ENOX1: variants seen among roughly 807,000 people sequenced by gnomAD.
ENOX1 encodes the protein ecto-NOX disulfide-thiol exchanger 1, also known as candidate growth-related and time keeping constitutive hydroquinone (NADH) oxidase.
In ENOX1, 42 loss-of-function variants were observed where a neutral mutation model predicts 82.5. The ratio of observed to expected loss-of-function variants is 0.51; its 90% CI spans 0.40 to 0.66. The LOEUF (loss-of-function observed/expected upper bound fraction) is 0.66. Ranked by LOEUF, ENOX1 falls within the 30% of genes least tolerant of loss-of-function variation. The pLI is 0.00. For synonymous variants in ENOX1, 271 were observed against 282.2 expected, an observed-to-expected ratio of 0.96 and a Z score of 0.40; for missense variants, 608 against 811.6, an observed-to-expected ratio of 0.75 and a Z score of 3.05.
At chr13:43,358,790 C>T (rs1003609747) in intron 7 of ENOX1, among the ~76,000 whole-genome samples, 4 of 152,190 alleles carry the variant, frequency 2.6e-5, no homozygotes, top group East Asian at 1.9e-4. Context: ...CCAGAACCCC[C>T]GTTGTCTAAC....
intron 2 of ENOX1, among the ~76,000 whole-genome samples, chr13:43,504,344 G>A (rs2077078588): frequency 2.0e-5 from 3 of 151,638 alleles, no homozygotes; most frequent in Admixed American, 2.0e-4. Context: ...ATCAAAGTCT[G>A]GGTCACAAAG....
chr13:43,504,803 A>G (rs1343106627), intron 2 of ENOX1, among the ~76,000 whole-genome samples: 1 of 151,494 alleles, frequency 6.6e-6, no homozygotes, highest in African/African-American at 2.4e-5. Flanking sequence ...TATTTGCTCG[A>G]TCTTATGTTA....
At chr13:43,439,993 A>G (rs1230135937) in intron 3 of ENOX1, among the ~76,000 whole-genome samples, 2 of 152,242 alleles carry the variant, frequency 1.3e-5, no homozygotes, top group African/African-American at 2.4e-5. Context: ...ATATATATGT[A>G]TATTTTTTAC....
chr13:43,665,648 C>A (rs962922433), intron 2 of ENOX1, among the ~76,000 whole-genome samples: 1 of 151,718 alleles, frequency 6.6e-6, no homozygotes, highest in Non-Finnish European at 1.5e-5. Context: ...GTTCAACCTG[C>A]GATGCCAACA....
At chr13:43,384,506 A>G (rs2052281692) in intron 5 of ENOX1, among the ~76,000 whole-genome samples, 1 of 152,100 alleles carries the variant, frequency 6.6e-6, no homozygotes, top group African/African-American at 2.4e-5. Flanking sequence ...TATAACTTCC[A>G]TTTTCCAGAT....
In ENOX1 at chr13:43,484,172, C is replaced by T. The variant is rs1342537378; in HGVS notation, c.-218-20G>A. 2.0e-6 allele frequency: 2 copies of T among 984,954 alleles called. No individual in the cohort carries two copies. The highest frequency in any genetic ancestry group is 2.4e-6 in the Non-Finnish European group (2 of 829,536). 61.0% of individuals were successfully genotyped at this position (984,954 alleles called of 1,614,324 possible). A position where few individuals can be genotyped will look rare whatever the true frequency, so the allele number is the denominator to read the frequency against. ...AGGCTTCTGGAAGCAAAGAAAAGCA[C>T]ACCGTTAGGATATGTCTAAAGTACC... is the stretch of plus-strand genomic sequence containing the variant. On this transcript the variant is annotated intron_variant, in intron 2 of 16. Transcript: ENST00000690772.
intron 1 of ENOX1, among the ~76,000 whole-genome samples, chr13:43,703,350 T>C (rs991748393): frequency 3.3e-5 from 5 of 152,156 alleles, no homozygotes; most frequent in African/African-American, 9.7e-5. Context: ...ATCTAGATTT[T>C]CTCCCCCTTA....
At chr13:43,293,114 C>T (rs1365486178) in intron 12 of ENOX1, among the ~76,000 whole-genome samples, 1 of 151,980 alleles carries the variant, frequency 6.6e-6, no homozygotes. Flanking sequence ...ACAGCCACTA[C>T]AGCCATTTTC....
chr13:43,748,859 A>G (rs1463875269), intron 1 of ENOX1, among the ~76,000 whole-genome samples: 1 of 152,198 alleles, frequency 6.6e-6, no homozygotes, highest in Non-Finnish European at 1.5e-5. Flanking sequence ...TAATTAAAAG[A>G]TAAGAGAGCA....
intron 2 of ENOX1, among the ~76,000 whole-genome samples, chr13:43,522,884 T>C (rs1301649057): frequency 6.6e-6 from 1 of 152,170 alleles, no homozygotes; most frequent in African/African-American, 2.4e-5. Context: ...GTTCCACATT[T>C]TTCTCATTTC....
intron 5 of ENOX1, among the ~76,000 whole-genome samples, chr13:43,405,407 C>T (rs2053735725): frequency 6.6e-6 from 1 of 152,138 alleles, no homozygotes; most frequent in South Asian, 2.1e-4. Flanking sequence ...GCCATACCTC[C>T]ATCAGGCCTT....
In ENOX1 at chr13:43,643,927, T is replaced by C. The variant is rs540367128; in HGVS notation, c.-219+23552A>G. Among the ~76,000 whole-genome samples the C allele has an allele frequency of 5.9e-5, 9 of 152,252 alleles. No homozygotes were observed. In the South Asian group the frequency reaches 1.9e-3, roughly 32 times the overall value. ...AAGGAGTACATAATTTCACTAAATA[T>C]TATTCTGCTCATTGTGCTTTCTCAT... On this transcript the variant is annotated intron_variant, in intron 2 of 16. Coordinates refer to ENST00000690772, the MANE Select transcript of ENOX1 (RefSeq NM_001347969.2).
intron 1 of ENOX1, among the ~76,000 whole-genome samples, chr13:43,734,199 GGTTGTTGTT>G (rs143259339): frequency 0.013 from 1,890 of 151,090 alleles, 42 homozygotes; most frequent in African/African-American, 0.043. Flanking sequence ...TTTTGTTGTT[GGTTGTTGTT>G]GTTGTTGTTG....
At chr13:43,778,937 T>C (rs561065427) in intron 1 of ENOX1, among the ~76,000 whole-genome samples, 10 of 152,290 alleles carry the variant, frequency 6.6e-5, no homozygotes, top group African/African-American at 2.2e-4. Flanking sequence ...CTGACTGTTT[T>C]AGAGAATCCA....
intron 14 of ENOX1, among the ~76,000 whole-genome samples, chr13:43,241,815 A>G (rs1040871482): frequency 6.6e-6 from 1 of 152,222 alleles, no homozygotes; most frequent in African/African-American, 2.4e-5. Context: ...AGTCCTCATC[A>G]CTTACTTTGA....
At chr13:43,431,595 T>C (rs1057125907) in intron 3 of ENOX1, among the ~76,000 whole-genome samples, 3 of 152,214 alleles carry the variant, frequency 2.0e-5, no homozygotes, top group African/African-American at 7.2e-5. Context: ...CTTGGTAAAT[T>C]GCCATCAGCC....
At chr13:43,232,985 C>T (rs997630834) in intron 15 of ENOX1, among the ~76,000 whole-genome samples, 8 of 152,054 alleles carry the variant, frequency 5.3e-5, no homozygotes, top group African/African-American at 2.4e-5. Context: ...ATAACAATAT[C>T]CAGCCAAACA....
At chr13:43,710,072 T>G (rs1275988884) in intron 1 of ENOX1, among the ~76,000 whole-genome samples, 1 of 152,126 alleles carries the variant, frequency 6.6e-6, no homozygotes, top group Non-Finnish European at 1.5e-5. Context: ...AAAATCTCAC[T>G]TATCAACATA....
intron 14 of ENOX1, among the ~76,000 whole-genome samples, chr13:43,256,551 G>GA (rs36062750): frequency 5.3e-5 from 8 of 150,008 alleles, no homozygotes; most frequent in East Asian, 1.9e-4. Context: ...CAGTTTTATG[G>GA]AAAAAAAAAG....
Sources: allele counts gnomAD v4.1 joint callset (sites outside exome capture counted in the v4.1 genomes callset), GRCh38; gene constraint gnomAD v4.1.1; transcripts MANE v1.5; gene names NCBI Gene and HGNC (gene_info 2026-07-23, HGNC 2026-07-21).